Variants in LEF1 observed in about 807,000 individuals in gnomAD.
LEF1 encodes the protein lymphoid enhancer binding factor 1.
LEF1 carries 14 observed loss-of-function variants against 51.2 expected under a neutral mutation model. That is an observed-to-expected ratio of 0.27 (90% CI 0.18 to 0.43). The LOEUF (loss-of-function observed/expected upper bound fraction) is 0.43. Ranked by LOEUF, LEF1 falls within the 20% of genes least tolerant of loss-of-function variation. The pLI, the probability that LEF1 is intolerant of heterozygous loss-of-function variation, is 1.00. For synonymous variants in LEF1, 185 were observed against 183.2 expected, an observed-to-expected ratio of 1.01 and a Z score of -0.08; for missense variants, 386 against 512.0, an observed-to-expected ratio of 0.75 and a Z score of 2.37.
intron 3 of LEF1, among the ~76,000 whole-genome samples, chr4:108,093,249 G>T (rs1333548224): frequency 6.6e-6 from 1 of 152,060 alleles, no homozygotes; most frequent in Non-Finnish European, 1.5e-5. Context: ...TGAACCCCCT[G>T]GGCTGCCCAA....
intron 3 of LEF1, among the ~76,000 whole-genome samples, chr4:108,145,376 C>A (rs1743935782): frequency 6.6e-6 from 1 of 152,044 alleles, no homozygotes; most frequent in African/African-American, 2.4e-5. Flanking sequence ...AAGAAGCTGA[C>A]CAAAATAACG....
intron 3 of LEF1, among the ~76,000 whole-genome samples, chr4:108,128,762 T>C (rs1000637966): frequency 2.6e-5 from 4 of 152,128 alleles, no homozygotes; most frequent in African/African-American, 7.2e-5. Flanking sequence ...ACAATACCTA[T>C]GTATATGGGC....
chr4:108,149,328 G>A (rs10856987), intron 3 of LEF1, among the ~76,000 whole-genome samples: 22,200 of 149,156 alleles, frequency 0.15, 2,037 homozygotes, highest in South Asian at 0.36. Flanking sequence ...GCGTGGTGGC[G>A]GGCGCCTGTG....
At chr4:108,071,619 ATT>A (rs1458542397) in intron 8 of LEF1, 1 of 152,212 alleles carries the variant, frequency 6.6e-6, no homozygotes, top group Non-Finnish European at 1.5e-5. Context: ...AGGGGTTTAC[ATT>A]TGCACACTGC....
At chr4:108,091,445 CGG>C (rs5860892) in intron 3 of LEF1, among the ~76,000 whole-genome samples, 13 of 111,352 alleles carry the variant, frequency 1.2e-4, no homozygotes, top group Non-Finnish European at 2.3e-4. Flanking sequence ...AAGAAACTTA[CGG>C]GGGGGGGAAA....
chr4:108,089,335 C>A, intron 3 of LEF1, 78 bp from the exon 4 acceptor site: 1 of 1,474,056 alleles, frequency 6.8e-7, no homozygotes, highest in Non-Finnish European at 9.3e-7. Context: ...AAAATTCACA[C>A]AGCAGCAGTA....
chr4:108,163,612 G>A lies in LEF1; in HGVS notation c.370C>T (p.Pro124Ser), dbSNP rs750080151. ...YIMMPNMNND[P>S]YMSNGSLSPP... ...GAAAGAGATCCATTTGACATGTATG[G>A]GTCGTTATTCATATTTGGCATCATT... The change falls in exon 3 of 12, where the codon CCA becomes TCA. Residue 124 changes from proline (P) to serine (S), a missense_variant. Around this residue, in one of 2 missense-constraint regions of LEF1, gnomAD observed 335 missense variants for 390.7 expected, o/e 0.86. Coordinates refer to ENST00000265165, the MANE Select transcript of LEF1 (RefSeq NM_016269.5). The A allele has an allele frequency of 6.2e-7, 1 of 1,613,674 alleles. No homozygotes were observed. The highest frequency in any genetic ancestry group is 1.1e-5 in the South Asian group (1 of 91,036).
chr4:108,058,369 C>T (rs1310290123), intron 11 of LEF1, among the ~76,000 whole-genome samples: 1 of 152,106 alleles, frequency 6.6e-6, no homozygotes, highest in East Asian at 1.9e-4. Context: ...AACTCAGAGT[C>T]ATAATTCTCT....
chr4:108,152,325 T>C (rs917191843), intron 3 of LEF1, among the ~76,000 whole-genome samples: 1 of 152,172 alleles, frequency 6.6e-6, no homozygotes, highest in African/African-American at 2.4e-5. Context: ...AATCATAAGC[T>C]GCAAGGCAGA....
At chr4:108,104,958 T>C (rs1295261397) in intron 3 of LEF1, among the ~76,000 whole-genome samples, 1 of 152,072 alleles carries the variant, frequency 6.6e-6, no homozygotes, top group Non-Finnish European at 1.5e-5. Context: ...TGTTCTCAGC[T>C]GCCAGGTGAG....
chr4:108,072,721 A>C (rs562189006), intron 8 of LEF1: 1 of 152,344 alleles, frequency 6.6e-6, no homozygotes, highest in South Asian at 2.1e-4. Flanking sequence ...AATAAACATT[A>C]GACAAATCGA....
chr4:108,158,799 G>A (rs1377380066), intron 3 of LEF1, among the ~76,000 whole-genome samples: 2 of 151,932 alleles, frequency 1.3e-5, no homozygotes, highest in Non-Finnish European at 2.9e-5. Flanking sequence ...AGTCCAGAGA[G>A]TCCCATTTGT....
At chr4:108,080,259 A>G (rs1739194878) in intron 6 of LEF1, among the ~76,000 whole-genome samples, 1 of 152,226 alleles carries the variant, frequency 6.6e-6, no homozygotes, top group Non-Finnish European at 1.5e-5. Context: ...ATTAAAAAAA[A>G]TCTTAAAATA....
intron 11 of LEF1, among the ~76,000 whole-genome samples, chr4:108,052,737 G>C (rs927928534): frequency 1.3e-5 from 2 of 152,168 alleles, no homozygotes; most frequent in Non-Finnish European, 2.9e-5. Flanking sequence ...GTGCTGGGCT[G>C]TTCCCCAGGC....
chr4:108,138,957 T>C (rs536529356), intron 3 of LEF1, among the ~76,000 whole-genome samples: 53 of 152,304 alleles, frequency 3.5e-4, no homozygotes, highest in African/African-American at 1.2e-3. Flanking sequence ...CAAGGATGGA[T>C]TACGGATAGG....
intron 8 of LEF1, among the ~76,000 whole-genome samples, chr4:108,073,833 C>CTTT (rs1245402800): frequency 1.0e-4 from 15 of 144,074 alleles, no homozygotes; most frequent in African/African-American, 3.4e-4. Flanking sequence ...ACCCCCCCCC[C>CTTT]TTTTTTTTTT....
At chr4:108,104,159 A>G (rs1740995123) in intron 3 of LEF1, among the ~76,000 whole-genome samples, 1 of 152,154 alleles carries the variant, frequency 6.6e-6, no homozygotes, top group Non-Finnish European at 1.5e-5. Flanking sequence ...AAGGCCACAT[A>G]TTATATGATA....
chr4:108,090,935 A>G (rs150560692), intron 3 of LEF1, among the ~76,000 whole-genome samples: 12 of 152,314 alleles, frequency 7.9e-5, no homozygotes, highest in Non-Finnish European at 1.5e-4. Context: ...ATTTTAAACT[A>G]ATCTAATAAT....
At chr4:108,116,133 G>T (rs543165312) in intron 3 of LEF1, among the ~76,000 whole-genome samples, 2 of 152,192 alleles carry the variant, frequency 1.3e-5, no homozygotes, top group Non-Finnish European at 2.9e-5. Context: ...GATCAAGGTA[G>T]CTGTGTGGGA....
Sources: allele counts gnomAD v4.1 joint callset (sites outside exome capture counted in the v4.1 genomes callset), GRCh38; gene constraint gnomAD v4.1.1; regional missense constraint gnomAD v4.1.1; transcripts MANE v1.5; gene names NCBI Gene and HGNC (gene_info 2026-07-23, HGNC 2026-07-21).